MAML2: variants seen among roughly 807,000 people sequenced by gnomAD.
The protein encoded by MAML2 is mastermind-like protein 2.
A neutral mutation model predicts 96.1 loss-of-function variants in MAML2; 22 were observed. The observed-to-expected ratio is 0.23, with a 90% CI of 0.16 to 0.33. MAML2 has a LOEUF of 0.33. MAML2 is among the 10% of genes least tolerant of loss of function. The pLI, the probability that MAML2 is intolerant of heterozygous loss-of-function variation, is 1.00. For missense variants in MAML2, 1,367 were observed against 1,392.4 expected (o/e 0.98, Z 0.29); for synonymous variants, 561 against 521.3 (o/e 1.08, Z -1.04).
At chr11:96,296,033 C>A (rs1272726745) in intron 1 of MAML2, among the ~76,000 whole-genome samples, 1 of 151,888 alleles carries the variant, frequency 6.6e-6, no homozygotes, top group Non-Finnish European at 1.5e-5. Flanking sequence ...CATTTTCTTT[C>A]TCATTCTATT....
intron 1 of MAML2, among the ~76,000 whole-genome samples, chr11:96,121,161 C>A (rs1017243523): frequency 9.9e-5 from 15 of 152,126 alleles, no homozygotes; most frequent in African/African-American, 3.6e-4. Context: ...GTTCCTAGAT[C>A]CCCTACTCCG....
intron 1 of MAML2, among the ~76,000 whole-genome samples, chr11:96,206,464 G>T (rs539714152): frequency 1.5e-3 from 232 of 152,264 alleles, no homozygotes; most frequent in African/African-American, 5.4e-3. Context: ...GCCAGGCATG[G>T]TTGTGTACCT....
Position 95,985,662 on chromosome 11 carries a change from G to C in MAML2, c.2344-20C>G, listed in dbSNP as rs764862663. 4.1e-6 allele frequency: 6 copies of C among 1,477,930 alleles called. No homozygotes were observed. In the African/African-American group the frequency reaches 6.9e-5, roughly 17 times the overall value. 91.6% of individuals were successfully genotyped at this position (1,477,930 alleles called of 1,614,324 possible). A position where few individuals can be genotyped will look rare whatever the true frequency, so the allele number is the denominator to read the frequency against. On this transcript the variant is annotated intron_variant, in intron 3 of 4. Transcript: ENST00000524717. Reference sequence around the variant, plus strand: ...TTTCTCCTTGAGAAATGATATGAAAGCATATTATGTTGCATCATTCCCTTT... The same window carrying C: ...TTTCTCCTTGAGAAATGATATGAAACCATATTATGTTGCATCATTCCCTTT...
chr11:96,073,713 T>C (rs1465797326), intron 2 of MAML2, among the ~76,000 whole-genome samples: 4 of 152,192 alleles, frequency 2.6e-5, no homozygotes, highest in African/African-American at 9.6e-5. Flanking sequence ...GCCTTCCACA[T>C]TCCAGTTAGC....
At chr11:96,323,496 A>AAC (rs1555040154) in intron 1 of MAML2, among the ~76,000 whole-genome samples, 3 of 151,048 alleles carry the variant, frequency 2.0e-5, no homozygotes, top group African/African-American at 7.3e-5. Flanking sequence ...AAAAAAAAAA[A>AAC]CCCATCTGCA....
intron 2 of MAML2, among the ~76,000 whole-genome samples, chr11:96,072,196 C>CAA (rs535438344): frequency 2.0e-5 from 3 of 149,562 alleles, no homozygotes; most frequent in Non-Finnish European, 4.5e-5. Flanking sequence ...GCCCACTTGC[C>CAA]AAAAAAAAAG....
chr11:96,113,742 C>T (rs1360255200), intron 1 of MAML2, among the ~76,000 whole-genome samples: 1 of 152,064 alleles, frequency 6.6e-6, no homozygotes, highest in African/African-American at 2.4e-5. Context: ...GGAACATAGA[C>T]TACTCTCTCC....
intron 2 of MAML2, among the ~76,000 whole-genome samples, chr11:96,063,280 T>G (rs1213625521): frequency 6.6e-6 from 1 of 152,210 alleles, no homozygotes; most frequent in African/African-American, 2.4e-5. Context: ...CACTCTTTTA[T>G]GCTTCTCCCT....
chr11:95,996,058 G>T (rs1857985591), intron 2 of MAML2, among the ~76,000 whole-genome samples: 1 of 146,162 alleles, frequency 6.8e-6, no homozygotes, highest in South Asian at 2.4e-4. Context: ...GAACTTAAAA[G>T]TTGAAGGAAA....
At chr11:96,062,221 G>A (rs960615518) in intron 2 of MAML2, among the ~76,000 whole-genome samples, 1 of 152,128 alleles carries the variant, frequency 6.6e-6, no homozygotes, top group African/African-American at 2.4e-5. Context: ...TACTACAACT[G>A]TGATGTGGCA....
intron 1 of MAML2, among the ~76,000 whole-genome samples, chr11:96,134,339 A>G (rs1488360308): frequency 6.6e-6 from 1 of 152,230 alleles, no homozygotes; most frequent in Non-Finnish European, 1.5e-5. Flanking sequence ...TTTATTCCTC[A>G]TTGTACCCCA....
intron 2 of MAML2, among the ~76,000 whole-genome samples, chr11:95,998,360 G>A (rs951402941): frequency 1.3e-5 from 2 of 152,124 alleles, no homozygotes; most frequent in South Asian, 4.2e-4. Flanking sequence ...ACTCCAAGCT[G>A]CTATTCTTAA....
At chr11:96,320,181 A>C (rs1863681917) in intron 1 of MAML2, among the ~76,000 whole-genome samples, 1 of 152,092 alleles carries the variant, frequency 6.6e-6, no homozygotes, top group African/African-American at 2.4e-5. Flanking sequence ...ACAAGGAGGA[A>C]AATGGAATGA....
At chr11:96,327,824 G>A (rs935441086) in intron 1 of MAML2, among the ~76,000 whole-genome samples, 8 of 151,930 alleles carry the variant, frequency 5.3e-5, no homozygotes, top group Non-Finnish European at 1.0e-4. Flanking sequence ...GGCCAGACAC[G>A]ATGCCTCACA....
At chr11:96,004,754 C>T (rs59342079) in intron 2 of MAML2, among the ~76,000 whole-genome samples, 41 of 152,192 alleles carry the variant, frequency 2.7e-4, no homozygotes, top group African/African-American at 8.9e-4. Flanking sequence ...TAGTGCCTTC[C>T]TCATGGAATT....
At chr11:96,332,529 A>G (rs1863867603) in intron 1 of MAML2, among the ~76,000 whole-genome samples, 1 of 152,202 alleles carries the variant, frequency 6.6e-6, no homozygotes, top group South Asian at 2.1e-4. Flanking sequence ...AAACTTTACT[A>G]AACGGTTGCC....
At chr11:96,210,887 T>A (rs1354607184) in intron 1 of MAML2, among the ~76,000 whole-genome samples, 2 of 152,198 alleles carry the variant, frequency 1.3e-5, no homozygotes, top group African/African-American at 4.8e-5. Flanking sequence ...TGAATATAAT[T>A]GTTAATTATA....
At chr11:96,112,945 CA>C (rs1860155536) in intron 1 of MAML2, among the ~76,000 whole-genome samples, 1 of 152,186 alleles carries the variant, frequency 6.6e-6, no homozygotes, top group Non-Finnish European at 1.5e-5. Flanking sequence ...GTGGGCTAAG[CA>C]AAAGTTCGCC....
intron 2 of MAML2, among the ~76,000 whole-genome samples, chr11:96,050,585 A>G (rs1291443743): frequency 6.6e-6 from 1 of 152,234 alleles, no homozygotes; most frequent in Non-Finnish European, 1.5e-5. Flanking sequence ...TAAAGATGGT[A>G]TGTGTCAACT....
Sources: allele counts gnomAD v4.1 joint callset (sites outside exome capture counted in the v4.1 genomes callset), GRCh38; gene constraint gnomAD v4.1.1; transcripts MANE v1.5; gene names NCBI Gene and HGNC (gene_info 2026-07-23, HGNC 2026-07-21).